The following WIPF1 variants were observed in gnomAD, a reference collection of about 807,000 sequenced individuals.
The protein encoded by WIPF1 is WAS/WASL interacting protein family member 1, also known as WAS/WASL-interacting protein family member 1.
WIPF1 carries 13 observed loss-of-function variants against 35.4 expected under a neutral mutation model. That is an observed-to-expected ratio of 0.37 (90% CI 0.24 to 0.58). The LOEUF (loss-of-function observed/expected upper bound fraction) is 0.58, where lower values mean the gene tolerates loss of function less well. Ranked by LOEUF, WIPF1 falls within the 20% of genes least tolerant of loss-of-function variation. The pLI, the probability that WIPF1 is intolerant of heterozygous loss-of-function variation, is 0.74. For missense variants in WIPF1, 591 were observed against 667.0 expected, an observed-to-expected ratio of 0.89 and a Z score of 1.25; for synonymous variants, 267 against 266.3, an observed-to-expected ratio of 1.00 and a Z score of -0.02.
intron 1 of WIPF1, among the ~76,000 whole-genome samples, chr2:174,657,802 C>T (rs759505808): frequency 1.3e-5 from 2 of 150,900 alleles, no homozygotes; most frequent in East Asian, 2.0e-4. Flanking sequence ...TCCAGCTACT[C>T]GGGAGGCTGG....
In WIPF1 at chr2:174,567,201, CA is replaced by C; in HGVS notation, c.1343-19del. ...CCACTCATCTGGGAAGAGAAACAAGCAGTATCTTCAGTGACAGACAATGTGC... is the reference window on the plus strand; with the variant it reads ...CCACTCATCTGGGAAGAGAAACAAGCGTATCTTCAGTGACAGACAATGTGC... On this transcript the variant is annotated intron_variant, in intron 6 of 7. Transcript: ENST00000679041. The C allele has an allele frequency of 5.0e-6, 8 of 1,602,566 alleles. No homozygotes were observed. The highest frequency in any genetic ancestry group is 6.8e-6 in the Non-Finnish European group (8 of 1,169,570).
In WIPF1 at chr2:174,575,257, C is replaced by T. The variant is rs763581368; in HGVS notation, c.305G>A (p.Gly102Glu). The T allele has an allele frequency of 1.9e-6, 3 of 1,613,870 alleles. No homozygotes were observed. The highest frequency in any genetic ancestry group is 2.5e-6 in the Non-Finnish European group (3 of 1,179,884). Residue 102 changes from glycine to glutamate, a missense_variant, in exon 4 of 8, where the codon GGA (glycine) becomes GAA (glutamate). Physicochemically the swap from Gly to Glu is moderately conservative, Grantham distance 98. Around this residue, in one of 3 missense-constraint regions of WIPF1, gnomAD observed 471 missense variants for 501.1 expected, o/e 0.94. Coordinates refer to ENST00000679041, the MANE Select transcript of WIPF1 (RefSeq NM_001375834.1). ...FGGGGPPGLG[G>E]LFQAGMPKLR... ...CTTCGGCATTCCAGCCTGGAACAAT[C>T]CTCCCAGACCTGGAGGTCCGCCCCC...
At position 174,571,836 on chromosome 2, in the gene WIPF1, T is replaced by TGGAGGCAGA. The variant is rs1327352972; in HGVS notation, c.960_968dup (p.Leu321_Pro323dup). On this transcript the variant is annotated inframe_insertion, in exon 5 of 8. Coordinates refer to ENST00000679041, the MANE Select transcript of WIPF1 (RefSeq NM_001375834.1). The surrounding 1 kb of genome is among the most constrained non-coding windows in gnomAD (Gnocchi z 4.6). ...GGGTTTCGTCATTGCCGCTGGAACT[T>TGGAGGCAGA]GGAGGCAGAGGAGGCGGCCCGGGCC... 1.2e-6 allele frequency: 2 copies of TGGAGGCAGA among 1,613,888 alleles called. No homozygotes were observed. Among genetic ancestry groups the TGGAGGCAGA allele is most frequent in the African/African-American group, 2.7e-5 (2 of 74,872 alleles).
chr2:174,668,052 G>T (rs555693943), intron 1 of WIPF1, among the ~76,000 whole-genome samples: 129 of 152,266 alleles, frequency 8.5e-4, no homozygotes, highest in Non-Finnish European at 1.6e-3. Context: ...CCTACGTCTT[G>T]TTACGTTTTG....
Position 174,571,401 on chromosome 2 carries a change from A to G in WIPF1, c.1129+275T>C. 1.6e-6 allele frequency: 1 copy of G among 607,216 alleles called. No individual in the cohort carries two copies. The highest frequency in any genetic ancestry group is 2.9e-5 in the Admixed American group (1 of 34,448). 37.6% of individuals were successfully genotyped at this position (607,216 alleles called of 1,614,324 possible). A position where few individuals can be genotyped will look rare whatever the true frequency, so the allele number is the denominator to read the frequency against. On this transcript the variant is annotated intron_variant, in intron 5 of 7. Transcript: ENST00000679041. This position sits in a 1 kb window ranked among gnomAD's most constrained non-coding sequence, Gnocchi z 4.6. ...GTACACTTCAGAGATGGAAGATGAAAGTTCTTGCCTCTTCTTTATTAACTA... is the reference window on the plus strand; with the variant it reads ...GTACACTTCAGAGATGGAAGATGAAGGTTCTTGCCTCTTCTTTATTAACTA...
At chr2:174,615,142 C>G (rs751153050) in intron 1 of WIPF1, among the ~76,000 whole-genome samples, 3 of 152,082 alleles carry the variant, frequency 2.0e-5, no homozygotes, top group Non-Finnish European at 2.9e-5. Flanking sequence ...ATAATAAAGA[C>G]AGTGTACAAT....
At chr2:174,585,097 C>T (rs1034563122) in intron 2 of WIPF1, among the ~76,000 whole-genome samples, 1 of 152,050 alleles carries the variant, frequency 6.6e-6, no homozygotes, top group African/African-American at 2.4e-5. Context: ...GGAGTGAGAC[C>T]GGAAGACACT....
chr2:174,657,679 G>C (rs1032188016), intron 1 of WIPF1, among the ~76,000 whole-genome samples: 2 of 152,074 alleles, frequency 1.3e-5, no homozygotes, highest in Non-Finnish European at 2.9e-5. Context: ...GATAACCTGA[G>C]GTCAGGAGTT....
intron 1 of WIPF1, among the ~76,000 whole-genome samples, chr2:174,668,330 C>T (rs1050055738): frequency 3.3e-5 from 5 of 152,150 alleles, no homozygotes; most frequent in African/African-American, 7.2e-5. Flanking sequence ...ACCTGCGAAA[C>T]GCAAGGTTGG....
At chr2:174,568,565 T>TGA (rs1193461943) in intron 5 of WIPF1, 3 of 153,454 alleles carry the variant, frequency 2.0e-5, no homozygotes, top group African/African-American at 7.2e-5. Context: ...GTGATGTATA[T>TGA]GATCTGTTTC....
chr2:174,591,510 T>C (rs889650480), intron 1 of WIPF1, among the ~76,000 whole-genome samples: 8 of 152,156 alleles, frequency 5.3e-5, no homozygotes, highest in Non-Finnish European at 1.0e-4. Context: ...AGTGAATGAA[T>C]CATTCAAAAA....
chr2:174,597,902 A>C (rs540765814), upstream of WIPF1: 2 of 152,790 alleles, frequency 1.3e-5, no homozygotes, highest in South Asian at 4.1e-4. Context: ...AGAAGCAAGC[A>C]AGAAAAAAAA....
chr2:174,643,000 ATAGTTTTAG>A (rs1240200080), intron 1 of WIPF1, among the ~76,000 whole-genome samples: 1 of 149,464 alleles, frequency 6.7e-6, no homozygotes, highest in African/African-American at 2.6e-5. Flanking sequence ...TAAATAGTCC[ATAGTTTTAG>A]TACTGGTTTT....
At chr2:174,675,072 C>T (rs543262230) in intron 1 of WIPF1, among the ~76,000 whole-genome samples, 43 of 152,146 alleles carry the variant, frequency 2.8e-4, no homozygotes, top group African/African-American at 1.0e-3. Context: ...GTCTATGATG[C>T]TTTATTATAT....
chr2:174,566,956 T>G, intron 7 of WIPF1, 114 bp downstream of exon 7: 1 of 933,458 alleles, frequency 1.1e-6, no homozygotes, highest in Non-Finnish European at 1.6e-6. Flanking sequence ...TGTAGATGGC[T>G]CCAAAGGGTT....
At position 174,562,132 on chromosome 2, in the gene WIPF1, T is replaced by A. The variant is rs970774266; in HGVS notation, c.*415A>T. 3.9e-6 allele frequency: 6 copies of A among 1,550,438 alleles called. No homozygotes were observed. The African/African-American group carries it at 8.2e-5, about 21-fold the overall frequency. On this transcript the variant is annotated 3_prime_UTR_variant, in exon 8 of 8. Transcript: ENST00000679041. ...AGCAGCTTGCTTAGGTGGTCTGTGG[T>A]TCATAGAAACAGAGAGGAGGCCAAG...
In WIPF1 at chr2:174,654,611, CT is replaced by C. The variant is rs984328103; in HGVS notation, c.-39+28162del. Among the ~76,000 whole-genome samples, 550 of 147,012 alleles carry C rather than the reference CT, an allele frequency of 3.7e-3. 5 individuals are homozygous for C. Among genetic ancestry groups the C allele is most frequent in the African/African-American group, 1.0e-2 (403 of 40,394 alleles). On this transcript the variant is annotated intron_variant, in intron 1 of 8. Transcript: ENST00000272746. ...TCTCTTTGCCTTTTCTACTTTATTC[CT>C]TTTTTTTTTTCCTCCTCAGATGATT...
intron 1 of WIPF1, among the ~76,000 whole-genome samples, chr2:174,603,091 T>G (rs538775323): frequency 6.6e-6 from 1 of 152,256 alleles, no homozygotes; most frequent in African/African-American, 2.4e-5. Flanking sequence ...TGGAACCAGA[T>G]CTGTTGAGGA....
chr2:174,636,298 A>G (rs751993347), intron 1 of WIPF1, among the ~76,000 whole-genome samples: 7 of 152,074 alleles, frequency 4.6e-5, no homozygotes, highest in Non-Finnish European at 1.0e-4. Flanking sequence ...AAAATGCTTT[A>G]TAATTTTCCA....
Sources: allele counts gnomAD v4.1 joint callset (sites outside exome capture counted in the v4.1 genomes callset), GRCh38; gene constraint gnomAD v4.1.1; regional missense constraint gnomAD v4.1.1; non-coding constraint Gnocchi (gnomAD v3.1); transcripts MANE v1.5; gene names NCBI Gene and HGNC (gene_info 2026-07-23, HGNC 2026-07-21).